The following SYT14 variants were observed in gnomAD, a reference collection of about 807,000 sequenced individuals.
The protein encoded by SYT14 is synaptotagmin-14.
In SYT14, 32 loss-of-function variants were observed where a neutral mutation model predicts 74.2. The observed-to-expected ratio is 0.43, with a 90% CI of 0.33 to 0.58. The LOEUF (loss-of-function observed/expected upper bound fraction) is 0.58, where lower values mean the gene tolerates loss of function less well. SYT14 is among the 20% of genes least tolerant of loss of function. The pLI, the probability that SYT14 is intolerant of heterozygous loss-of-function variation, is 0.05. For synonymous variants in SYT14, 298 were observed against 337.7 expected, an observed-to-expected ratio of 0.88 and a Z score of 1.29; for missense variants, 791 against 981.8, an observed-to-expected ratio of 0.81 and a Z score of 2.60.
At chr1:210,042,611 T>C (rs571122642) in intron 5 of SYT14, among the ~76,000 whole-genome samples, 4 of 152,328 alleles carry the variant, frequency 2.6e-5, no homozygotes, top group African/African-American at 9.6e-5. Flanking sequence ...ATTTATTAAA[T>C]AGGGAATCCT....
At chr1:209,975,345 A>T (rs1047036646) in intron 2 of SYT14, among the ~76,000 whole-genome samples, 3 of 152,148 alleles carry the variant, frequency 2.0e-5, no homozygotes, top group Non-Finnish European at 4.4e-5. Context: ...CTGTGGGTTT[A>T]TCATAGACAG....
intron 2 of SYT14, among the ~76,000 whole-genome samples, chr1:209,982,810 G>A (rs372383431): frequency 5.9e-5 from 9 of 152,142 alleles, no homozygotes; most frequent in East Asian, 1.9e-4. Flanking sequence ...TTGCATTTAC[G>A]GCAGCCATTA....
At chr1:210,023,677 C>T (rs1428189343) in intron 5 of SYT14, among the ~76,000 whole-genome samples, 3 of 152,122 alleles carry the variant, frequency 2.0e-5, no homozygotes, top group African/African-American at 7.2e-5. Flanking sequence ...AAAAAAGATA[C>T]AGAGAGTAGG....
At chr1:210,051,139 T>G (rs976384581) in intron 5 of SYT14, among the ~76,000 whole-genome samples, 2 of 152,226 alleles carry the variant, frequency 1.3e-5, no homozygotes, top group East Asian at 3.8e-4. Flanking sequence ...AGAACTGTGG[T>G]TCCTAGCAAA....
chr1:210,114,498 A>G (rs1465479823), intron 7 of SYT14, among the ~76,000 whole-genome samples: 1 of 150,664 alleles, frequency 6.6e-6, no homozygotes, highest in Non-Finnish European at 1.5e-5. Context: ...TAATATTGGG[A>G]GCAGATTGGG....
intron 1 of SYT14, 85 bp downstream of exon 1, chr1:209,938,362 C>G: frequency 7.1e-7 from 1 of 1,399,104 alleles, no homozygotes; most frequent in Non-Finnish European, 9.7e-7. Context: ...GGCCGAGGCG[C>G]TGACGGGGCC....
chr1:210,096,020 A>G (rs1289593489), intron 6 of SYT14, among the ~76,000 whole-genome samples: 1 of 152,198 alleles, frequency 6.6e-6, no homozygotes, highest in African/African-American at 2.4e-5. Context: ...ACCTATCATC[A>G]CTTGTGTCAG....
chr1:210,012,172 A>G (rs1008453058), intron 2 of SYT14, among the ~76,000 whole-genome samples: 1 of 152,190 alleles, frequency 6.6e-6, no homozygotes, highest in African/African-American at 2.4e-5. Context: ...CTTAAAATAT[A>G]ATCATAGAGT....
Position 209,952,640 on chromosome 1 carries a change from G to T in SYT14, c.-533-69G>T, listed in dbSNP as rs898354722. ...TCACTTTTAGGTGCTAATTTAAAAT[G>T]ATTCTTTGTAACAGTCAGATTCATG... On this transcript the variant is annotated intron_variant, in intron 1 of 9. Coordinates refer to ENST00000637265, the Ensembl canonical transcript of SYT14. 5.8e-6 allele frequency: 8 copies of T among 1,368,972 alleles called. No individual in the cohort carries two copies. The Admixed American group carries it at 1.4e-4, about 23-fold the overall frequency. The allele number at this position is 1,368,972 out of a possible 1,614,324, so 84.8% of individuals were successfully genotyped here. A position where few individuals can be genotyped will look rare whatever the true frequency, so the allele number is the denominator to read the frequency against.
At chr1:210,133,017 G>C (rs988576050) in intron 7 of SYT14, among the ~76,000 whole-genome samples, 1 of 152,098 alleles carries the variant, frequency 6.6e-6, no homozygotes, top group African/African-American at 2.4e-5. Context: ...ATCTTACTCT[G>C]ATCTTTTTAT....
intron 2 of SYT14, among the ~76,000 whole-genome samples, chr1:209,958,211 C>T (rs547673471): frequency 4.6e-5 from 7 of 152,236 alleles, no homozygotes; most frequent in South Asian, 2.1e-4. Flanking sequence ...CTACCTCTGT[C>T]AAGTTTTTAT....
chr1:209,981,219 G>A (rs2079478460), intron 2 of SYT14, among the ~76,000 whole-genome samples: 1 of 151,928 alleles, frequency 6.6e-6, no homozygotes, highest in Admixed American at 6.6e-5. Flanking sequence ...GGGTCTATGG[G>A]CTATGTACTT....
At chr1:210,125,712 C>T (rs1174446065) in intron 7 of SYT14, among the ~76,000 whole-genome samples, 4 of 151,346 alleles carry the variant, frequency 2.6e-5, no homozygotes, top group African/African-American at 9.8e-5. Context: ...CGTTTTCCTT[C>T]ACTGATTCCT....
In SYT14 at chr1:210,015,333, G is replaced by A. The variant is rs183511441; in HGVS notation, c.-320-351G>A. 2.0e-3 allele frequency among the ~76,000 whole-genome samples: 311 copies of A among 152,216 alleles called. 4 individuals are homozygous for A. Among genetic ancestry groups the A allele is most frequent in the South Asian group, 0.019 (91 of 4,816 alleles). ...TTGTAAAACTAGTCTTGACCTTGAGGATCCCTTGAAAATGTCTCAGGGAAC... is the reference window on the plus strand; with the variant it reads ...TTGTAAAACTAGTCTTGACCTTGAGAATCCCTTGAAAATGTCTCAGGGAAC... On this transcript the variant is annotated intron_variant, in intron 3 of 9. Coordinates refer to ENST00000637265, the Ensembl canonical transcript of SYT14.
intron 1 of SYT14, among the ~76,000 whole-genome samples, chr1:209,946,476 T>C (rs1019350512): frequency 6.6e-6 from 1 of 152,330 alleles, no homozygotes; most frequent in South Asian, 2.1e-4. Context: ...GGATGGCAGA[T>C]CAAACCAGCC....
At chr1:210,103,274 G>A (rs1251629473) in intron 7 of SYT14, among the ~76,000 whole-genome samples, 1 of 152,032 alleles carries the variant, frequency 6.6e-6, no homozygotes, top group Non-Finnish European at 1.5e-5. Flanking sequence ...ATTAAGGCCG[G>A]GCGCAGTGGC....
chr1:210,079,672 G>GAA (rs200658005), intron 5 of SYT14, among the ~76,000 whole-genome samples: 1 of 150,584 alleles, frequency 6.6e-6, no homozygotes, highest in Non-Finnish European at 1.5e-5. Context: ...TAGAACACTG[G>GAA]AAAAAAAAAT....
At chr1:210,012,269 A>G (rs2080099609) in intron 2 of SYT14, among the ~76,000 whole-genome samples, 1 of 152,194 alleles carries the variant, frequency 6.6e-6, no homozygotes, top group Non-Finnish European at 1.5e-5. Context: ...TTTCCCAATC[A>G]TAGCCTTTCT....
intron 7 of SYT14, among the ~76,000 whole-genome samples, chr1:210,141,872 T>C (rs944431786): frequency 6.6e-6 from 1 of 152,162 alleles, no homozygotes; most frequent in Non-Finnish European, 1.5e-5. Flanking sequence ...TTTGCACATG[T>C]GTGTAGACTG....
Sources: gnomAD v4.1 joint callset for allele counts (sites outside exome capture counted in the v4.1 genomes callset) on GRCh38, gnomAD v4.1.1 for gene constraint, MANE v1.5 for transcripts, NCBI Gene and HGNC (gene_info 2026-07-23, HGNC 2026-07-21) for gene names.